The following BICDL1 variants were observed in gnomAD, a reference collection of about 807,000 sequenced individuals.
The protein encoded by BICDL1 is BICD family-like cargo adapter 1.
A neutral mutation model predicts 76.8 loss-of-function variants in BICDL1; 20 were observed. That is an observed-to-expected ratio of 0.26 (90% CI 0.18 to 0.38). The LOEUF (loss-of-function observed/expected upper bound fraction) is 0.38. BICDL1 is among the 10% of genes least tolerant of loss of function. The probability of loss-of-function intolerance (pLI) is 1.00; values close to 1 mark genes in which losing one functional copy is unlikely to be tolerated. For missense variants in BICDL1, 700 were observed against 798.6 expected, an observed-to-expected ratio of 0.88 and a Z score of 1.49; for synonymous variants, 383 against 337.1, an observed-to-expected ratio of 1.14 and a Z score of -1.49.
At chr12:120,012,465 C>T (rs1054731450) in intron 2 of BICDL1, among the ~76,000 whole-genome samples, 1 of 152,164 alleles carries the variant, frequency 6.6e-6, no homozygotes, top group South Asian at 2.1e-4. Flanking sequence ...ACACACCTCT[C>T]GTCATCAGTT....
chr12:120,004,125 C>T (rs997796316), intron 2 of BICDL1, among the ~76,000 whole-genome samples: 2 of 152,174 alleles, frequency 1.3e-5, no homozygotes, highest in African/African-American at 4.8e-5. Flanking sequence ...CTGATGGCTT[C>T]TTCAAGAGTA....
In BICDL1 at chr12:120,070,792, C is replaced by T. The variant is rs147870057; in HGVS notation, c.910-830C>T. Among the ~76,000 whole-genome samples the T allele has an allele frequency of 9.4e-3, 1,405 of 149,858 alleles. 27 individuals carry two copies. The highest frequency in any genetic ancestry group is 0.012 in the Admixed American group (174 of 14,980). On this transcript the variant is annotated intron_variant, in intron 4 of 9. Coordinates refer to ENST00000548673, the MANE Select transcript of BICDL1 (RefSeq NM_001367886.1). ...TGTCGCCCAGGCTGGAGTGCAATGG[C>T]GCAATCTCGGCTCACTGTCACCTCC...
chr12:120,021,588 A>G (rs1952182466), intron 2 of BICDL1, among the ~76,000 whole-genome samples: 1 of 120,286 alleles, frequency 8.3e-6, no homozygotes, highest in African/African-American at 4.4e-5. Flanking sequence ...CTCCATCTCA[A>G]AAAAAAAAAA....
chr12:120,087,441 C>T (rs1874520405), intron 8 of BICDL1, among the ~76,000 whole-genome samples: 1 of 152,236 alleles, frequency 6.6e-6, no homozygotes, highest in African/African-American at 2.4e-5. Context: ...GGCCTGAGCA[C>T]TTTGCAAGTG....
chr12:120,014,606 C>A (rs1014418315), intron 2 of BICDL1, among the ~76,000 whole-genome samples: 2 of 151,746 alleles, frequency 1.3e-5, no homozygotes, highest in Non-Finnish European at 2.9e-5. Flanking sequence ...GCAAGAGAAT[C>A]GCTTGAACCC....
rs188864388 is a variant in BICDL1 at position 120,058,819 on chromosome 12, T to A, written c.646-2891T>A. ...TTGGCCAGGCTGGTCTCAAACTCCT[T>A]ACCTCAGGTGATCCACCCACCTCAG... On this transcript the variant is annotated intron_variant, in intron 2 of 9. Transcript: ENST00000548673. 3.6e-3 allele frequency among the ~76,000 whole-genome samples: 547 copies of A among 151,820 alleles called. 2 individuals carry two copies. The highest frequency in any genetic ancestry group is 0.012 in the African/African-American group (517 of 41,428).
At chr12:119,997,115 A>G (rs1484466402) in intron 1 of BICDL1, among the ~76,000 whole-genome samples, 1 of 151,868 alleles carries the variant, frequency 6.6e-6, no homozygotes, top group Non-Finnish European at 1.5e-5. Flanking sequence ...CGCCCGGCTA[A>G]TTTTATATTT....
intron 2 of BICDL1, among the ~76,000 whole-genome samples, chr12:120,031,873 T>C (rs562470656): frequency 5.6e-4 from 85 of 152,268 alleles, no homozygotes; most frequent in Non-Finnish European, 9.7e-4. Context: ...GGAGGATCGC[T>C]TGAGCCCAGG....
rs762824231 is a variant in BICDL1 at position 120,064,835 on chromosome 12, C to T, written c.865C>T (p.Arg289Trp). ...LQGTVEELQD[R>W]VLILERQGHD... ...AGGGACCGTGGAGGAGCTACAGGAC[C>T]GGGTGCTAATCCTGGAGAGGCAGGG... Residue 289 changes from arginine to tryptophan, a missense_variant, in exon 4 of 10, where the codon CGG (arginine) becomes TGG (tryptophan). Arg to Trp is a moderately radical substitution (Grantham distance 101). Around this residue, in one of 3 missense-constraint regions of BICDL1, gnomAD observed 455 missense variants for 548.7 expected, o/e 0.83. Coordinates refer to ENST00000548673, the MANE Select transcript of BICDL1 (RefSeq NM_001367886.1). The T allele has an allele frequency of 5.6e-6, 9 of 1,613,262 alleles. No homozygotes were observed. The highest frequency in any genetic ancestry group is 1.7e-5 in the Admixed American group (1 of 59,940).
chr12:119,998,601 G>A lies in BICDL1; in HGVS notation c.510G>A (p.Leu170=), dbSNP rs1295398209. The A allele has an allele frequency of 1.9e-6, 3 of 1,614,116 alleles. No homozygotes were observed. In the South Asian group the frequency reaches 3.3e-5, roughly 18 times the overall value. ...EGEWEGRVSE[L]ESDVKQLQDE... is the part of the protein sequence containing the mutation. ...AGTGGGAAGGCCGAGTGTCAGAGCT[G>A]GAGAGTGATGTGAAGCAGCTACAGG... The change falls in exon 2 of 10, where the codon CTG becomes CTA. Residue 170 remains leucine, a synonymous_variant. Coordinates refer to ENST00000548673, the MANE Select transcript of BICDL1 (RefSeq NM_001367886.1).
At position 120,093,953 on chromosome 12, in the gene BICDL1, C is replaced by T. The variant is rs947540190; in HGVS notation, c.*792C>T. 7 of 326,072 alleles carry T rather than the reference C, an allele frequency of 2.1e-5. No individual in the cohort carries two copies. The highest frequency in any genetic ancestry group is 1.3e-4 in the African/African-American group (6 of 46,258). 20.2% of individuals were successfully genotyped at this position (326,072 alleles called of 1,614,324 possible). A position where few individuals can be genotyped will look rare whatever the true frequency, so the allele number is the denominator to read the frequency against. On this transcript the variant is annotated 3_prime_UTR_variant, in exon 10 of 10. Transcript: ENST00000548673. ...GGGCTGGGGTTGGACGGGGTCTCCT[C>T]CTCCCACAGCTCCCTCCTCCACCCC...
chr12:120,051,854 G>A (rs1189618686), intron 2 of BICDL1, among the ~76,000 whole-genome samples: 2 of 152,026 alleles, frequency 1.3e-5, no homozygotes, highest in Non-Finnish European at 2.9e-5. Context: ...TCCAGAATCC[G>A]GTTCAGGCTT....
chr12:120,013,643 G>T (rs1284913328), intron 2 of BICDL1, among the ~76,000 whole-genome samples: 4 of 152,058 alleles, frequency 2.6e-5, no homozygotes, highest in Admixed American at 1.3e-4. Context: ...TGTATTTTTA[G>T]TAGAGACAGG....
chr12:120,026,109 A>T (rs904163744), intron 2 of BICDL1, among the ~76,000 whole-genome samples: 6 of 152,168 alleles, frequency 3.9e-5, no homozygotes, highest in South Asian at 2.1e-4. Flanking sequence ...AAGTGCTGGG[A>T]TTACAGGCAT....
At chr12:119,994,362 G>T (rs779806512) in intron 1 of BICDL1, among the ~76,000 whole-genome samples, 8 of 151,542 alleles carry the variant, frequency 5.3e-5, no homozygotes, top group Non-Finnish European at 1.2e-4. Context: ...ACCATGTACT[G>T]GACTTCTGAG....
At chr12:120,031,421 G>A (rs558179640) in intron 2 of BICDL1, among the ~76,000 whole-genome samples, 198 of 151,724 alleles carry the variant, frequency 1.3e-3, no homozygotes, top group African/African-American at 4.7e-3. Flanking sequence ...AGCCAGGATG[G>A]TCTCCATCTC....
intron 9 of BICDL1, chr12:120,091,347 A>AACTTCATTTT: frequency 1.0e-6 from 1 of 1,001,504 alleles, no homozygotes; most frequent in Non-Finnish European, 1.2e-6. Context: ...GATTGCTTAA[A>AACTTCATTTT]GTTAAAAAAA....
chr12:120,063,810 A>AC (rs113582107), intron 3 of BICDL1, among the ~76,000 whole-genome samples: 8,401 of 151,814 alleles, frequency 0.055, 461 homozygotes, highest in African/African-American at 0.14. Flanking sequence ...GGCTTTCTGG[A>AC]CCCCCTGAGC....
intron 8 of BICDL1, among the ~76,000 whole-genome samples, chr12:120,081,596 G>A (rs1025836514): frequency 4.6e-5 from 7 of 151,798 alleles, no homozygotes; most frequent in East Asian, 3.9e-4. Flanking sequence ...TGATCTGCCC[G>A]CCTTGGCCTC....
Sources: allele counts gnomAD v4.1 joint callset (sites outside exome capture counted in the v4.1 genomes callset), GRCh38; gene constraint gnomAD v4.1.1; regional missense constraint gnomAD v4.1.1; transcripts MANE v1.5; gene names NCBI Gene and HGNC (gene_info 2026-07-23, HGNC 2026-07-21).